The following COLQ variants were observed in gnomAD, a reference collection of about 807,000 sequenced individuals.
The protein encoded by COLQ is collagen like tail subunit of asymmetric acetylcholinesterase.
A neutral mutation model predicts 69.0 loss-of-function variants in COLQ; 48 were observed. That is an observed-to-expected ratio of 0.70 (90% confidence interval 0.55 to 0.88). The LOEUF is 0.88. COLQ is among the 40% of genes least tolerant of loss of function. COLQ has a pLI of 0.00. For missense variants in COLQ, 618 were observed against 594.6 expected (o/e 1.04, Z -0.41); for synonymous variants, 217 against 211.2 (o/e 1.03, Z -0.24).
chr3:15,520,520 T>G (rs554785413), intron 1 of COLQ, among the ~76,000 whole-genome samples: 2 of 152,154 alleles, frequency 1.3e-5, no homozygotes, highest in African/African-American at 4.8e-5. Context: ...AAGGCAGCGA[T>G]AGTGAAATTT....
At chr3:15,472,482 AG>A (rs1316428971) in intron 10 of COLQ, among the ~76,000 whole-genome samples, 1 of 152,234 alleles carries the variant, frequency 6.6e-6, no homozygotes, top group East Asian at 1.9e-4. Context: ...TAAAACTTTA[AG>A]GTGAACTTTT....
At chr3:15,466,227 C>T in intron 12 of COLQ, 114 bp downstream of exon 12, 1 of 728,298 alleles carries the variant, frequency 1.4e-6, no homozygotes, top group Non-Finnish European at 2.5e-6. Context: ...TGGAGTGTCT[C>T]TGGTAGTTTC....
At chr3:15,476,737 A>G (rs1008570550) in intron 6 of COLQ, among the ~76,000 whole-genome samples, 2 of 152,330 alleles carry the variant, frequency 1.3e-5, no homozygotes, top group South Asian at 2.1e-4. Flanking sequence ...TCCTTCAGCC[A>G]GCCAACACCA....
At position 15,451,605 on chromosome 3, in the gene COLQ, C is replaced by T. The variant is rs763339889; in HGVS notation, c.*39G>A. ...TTGATGACAGTGGAGAAGCTGCTGC[C>T]AGTTCTGTGGGGCGCAGCCCACCTT... is the stretch of plus-strand genomic sequence containing the variant. On this transcript the variant is annotated 3_prime_UTR_variant, in exon 17 of 17. Coordinates refer to ENST00000383788, the MANE Select transcript of COLQ (RefSeq NM_005677.4). 4 of 1,594,834 alleles carry T rather than the reference C, an allele frequency of 2.5e-6. No individual in the cohort carries two copies. The highest frequency in any genetic ancestry group is 1.3e-5 in the African/African-American group (1 of 74,474).
intron 15 of COLQ, among the ~76,000 whole-genome samples, chr3:15,454,657 T>TTA (rs1252320226): frequency 1.9e-4 from 11 of 58,508 alleles, no homozygotes; most frequent in Admixed American, 1.7e-3. Context: ...AACTGTTTTT[T>TTA]TTTTTTTTTT....
At chr3:15,461,672 C>T (rs1486683179) in intron 12 of COLQ, among the ~76,000 whole-genome samples, 5 of 152,080 alleles carry the variant, frequency 3.3e-5, no homozygotes, top group Non-Finnish European at 5.9e-5. Context: ...CCAGGGTGGC[C>T]CCCAGTCACT....
At chr3:15,521,033 G>GC (rs2063129525) in intron 1 of COLQ, among the ~76,000 whole-genome samples, 1 of 151,922 alleles carries the variant, frequency 6.6e-6, no homozygotes, top group Non-Finnish European at 1.5e-5. Context: ...ACCGGCCCCT[G>GC]CCACCTGCAT....
intron 10 of COLQ, among the ~76,000 whole-genome samples, chr3:15,472,874 T>C (rs1234146363): frequency 6.6e-6 from 1 of 152,174 alleles, no homozygotes; most frequent in African/African-American, 2.4e-5. Context: ...TTTTCTTTTT[T>C]TTCAGAGACA....
chr3:15,498,904 T>G (rs1019558606), intron 1 of COLQ: 13 of 1,296,594 alleles, frequency 1.0e-5, no homozygotes, highest in Non-Finnish European at 1.3e-5. Context: ...CTTATCCCCC[T>G]GCAAGCCAAG....
rs566498628 is a variant in COLQ at position 15,492,553 on chromosome 3, C to A, written c.107-2916G>T. On this transcript the variant is annotated intron_variant, in intron 1 of 16. Transcript: ENST00000383788. ...GTAGTGGTGGGCGCCTGTAGTCCCACCTACTTGGGAGGCTGAGGTGGGAGA... is the reference window on the plus strand; with the variant it reads ...GTAGTGGTGGGCGCCTGTAGTCCCAACTACTTGGGAGGCTGAGGTGGGAGA... 1.2e-4 allele frequency among the ~76,000 whole-genome samples: 18 copies of A among 151,974 alleles called. No homozygotes were observed. The South Asian group carries it at 3.1e-3, about 26-fold the overall frequency.
chr3:15,459,878 G>A (rs1034201014), intron 12 of COLQ, among the ~76,000 whole-genome samples: 5 of 151,804 alleles, frequency 3.3e-5, no homozygotes, highest in African/African-American at 1.2e-4. Context: ...CATGTGCTAG[G>A]CATCCATATT....
intron 10 of COLQ, among the ~76,000 whole-genome samples, chr3:15,471,478 G>C (rs1485955496): frequency 6.6e-6 from 1 of 152,142 alleles, no homozygotes; most frequent in African/African-American, 2.4e-5. Context: ...CAGCCCACAG[G>C]GCGCTTCATT....
At chr3:15,513,457 A>G (rs1250845552) in intron 1 of COLQ, among the ~76,000 whole-genome samples, 1 of 152,176 alleles carries the variant, frequency 6.6e-6, no homozygotes. Flanking sequence ...GTAAGCAGGA[A>G]GAAGAGAGTG....
At chr3:15,492,725 A>G (rs1189069121) in intron 1 of COLQ, among the ~76,000 whole-genome samples, 1 of 152,180 alleles carries the variant, frequency 6.6e-6, no homozygotes, top group African/African-American at 2.4e-5. Flanking sequence ...ATAATTATAT[A>G]TAAGTACGAA....
At chr3:15,476,841 T>G (rs2062387521) in intron 6 of COLQ, among the ~76,000 whole-genome samples, 1 of 151,928 alleles carries the variant, frequency 6.6e-6, no homozygotes, top group Non-Finnish European at 1.5e-5. Context: ...GAAACCAGAG[T>G]GGGGTGCTAG....
chr3:15,512,381 A>G (rs529767173), intron 1 of COLQ, among the ~76,000 whole-genome samples: 12 of 152,254 alleles, frequency 7.9e-5, no homozygotes, highest in Admixed American at 6.5e-4. Flanking sequence ...GGTTGCCATG[A>G]GAGATAAGTG....
At chr3:15,466,828 T>C (rs1237370557) in intron 11 of COLQ, among the ~76,000 whole-genome samples, 1 of 152,224 alleles carries the variant, frequency 6.6e-6, no homozygotes, top group Non-Finnish European at 1.5e-5. Context: ...ATGGCTAGGC[T>C]TTCCAGCTTC....
intron 15 of COLQ, among the ~76,000 whole-genome samples, chr3:15,454,452 G>A (rs2061996813): frequency 6.6e-6 from 1 of 152,082 alleles, no homozygotes; most frequent in Non-Finnish European, 1.5e-5. Context: ...TTTTCACAGG[G>A]CAGGGACAGT....
chr3:15,461,998 C>CCTAT (rs372604341), intron 12 of COLQ, among the ~76,000 whole-genome samples: 1 of 137,914 alleles, frequency 7.3e-6, no homozygotes, highest in African/African-American at 2.7e-5. Flanking sequence ...ACAGGGATAA[C>CCTAT]TTATTTATTT....
Sources: allele counts gnomAD v4.1 joint callset (sites outside exome capture counted in the v4.1 genomes callset), GRCh38; gene constraint gnomAD v4.1.1; transcripts MANE v1.5; gene names NCBI Gene and HGNC (gene_info 2026-07-23, HGNC 2026-07-21).